INSL6: variants seen among roughly 807,000 people sequenced by gnomAD.
The protein encoded by INSL6 is insulin-like peptide INSL6.
In INSL6, 16 loss-of-function variants were observed where a neutral mutation model predicts 9.4. The observed-to-expected ratio is 1.70, with a 90% CI of 1.15 to 2.59. INSL6 has a LOEUF of 2.59. INSL6 is among the 30% of genes most tolerant of loss of function. INSL6 has a pLI of 0.00. For missense variants in INSL6, 391 were observed against 257.3 expected (o/e 1.52, Z -3.56); for synonymous variants, 154 against 96.9 (o/e 1.59, Z -3.46).
At chr9:5,080,490 G>C in the INSL6 span, 11 of 1,546,774 alleles carry the variant, frequency 7.1e-6, no homozygotes, top group Admixed American at 4.1e-5. Context: ...GGTTGGTGTG[G>C]CATTACACAA....
the INSL6 span, among the ~76,000 whole-genome samples, chr9:5,011,577 G>A: frequency 6.6e-6 from 1 of 152,122 alleles, no homozygotes; most frequent in Non-Finnish European, 1.5e-5. Context: ...TATTACATAT[G>A]TATCATAGTA....
chr9:5,030,120 T>G, the INSL6 span, among the ~76,000 whole-genome samples: 1 of 152,178 alleles, frequency 6.6e-6, no homozygotes. Context: ...ATAAAGCTGT[T>G]TTGGTGGGAT....
chr9:5,111,380 TGGCGGACAGA>T, the INSL6 span: 16,982 of 402,982 alleles, frequency 0.042, 2,028 homozygotes, highest in African/African-American at 0.29. Context: ...CCAGCAGCTC[TGGCGGACAGA>T]GGCGGACAGC....
At chr9:5,015,285 G>A in the INSL6 span, among the ~76,000 whole-genome samples, 3 of 152,280 alleles carry the variant, frequency 2.0e-5, no homozygotes, top group South Asian at 2.1e-4. Context: ...GTAACTAGAC[G>A]TAGAATTGTA....
At chr9:5,128,820 G>T (rs1011188758) in intron 3 of INSL6, among the ~76,000 whole-genome samples, 2 of 151,954 alleles carry the variant, frequency 1.3e-5, no homozygotes, top group Non-Finnish European at 2.9e-5. Context: ...CAAGAAACAG[G>T]TAAGTAATTA....
the INSL6 span, chr9:5,065,149 G>T: frequency 3.1e-6 from 2 of 642,750 alleles, no homozygotes; most frequent in African/African-American, 1.9e-5. Flanking sequence ...AATTTGACAA[G>T]TTTTTTTTAA....
At chr9:5,036,819 A>G in the INSL6 span, among the ~76,000 whole-genome samples, 1 of 152,230 alleles carries the variant, frequency 6.6e-6, no homozygotes, top group Non-Finnish European at 1.5e-5. Context: ...CTTCATGTCT[A>G]AAACACCAAA....
chr9:5,185,333 C>G lies in INSL6; in HGVS notation c.270G>C (p.Arg90=). The G allele has an allele frequency of 1.2e-6, 2 of 1,614,114 alleles. No individual in the cohort carries two copies. The highest frequency in any genetic ancestry group is 1.7e-6 in the Non-Finnish European group (2 of 1,180,012). ...TTTTACCTGGGTTTGTGCCTCTTCC[C>G]CGGGCCGGGGAAGCGGTTTGCGGGC... ...FESPQTASPA[R]GRGTNPVSTS... is the part of the protein sequence containing the mutation. The change falls in exon 1 of 2, where the codon CGG becomes CGC. Residue 90 remains arginine (R), a synonymous_variant. Coordinates refer to ENST00000381641, the MANE Select transcript of INSL6 (RefSeq NM_007179.3).
the INSL6 span, among the ~76,000 whole-genome samples, chr9:5,101,916 A>T: frequency 2.0e-5 from 3 of 152,250 alleles, no homozygotes; most frequent in Non-Finnish European, 2.9e-5. Context: ...ACCAAAGACC[A>T]AAAGTAGATA....
intron 1 of INSL6, among the ~76,000 whole-genome samples, chr9:5,168,862 C>G (rs1360228568): frequency 6.6e-6 from 1 of 151,868 alleles, no homozygotes; most frequent in African/African-American, 2.4e-5. Context: ...GCCCATCACA[C>G]TAACAGCAGG....
At chr9:5,114,620 C>G in the INSL6 span, 1 of 485,582 alleles carries the variant, frequency 2.1e-6, no homozygotes, top group African/African-American at 2.0e-5. Context: ...AGGTGCAGCT[C>G]CCGGACACTT....
chr9:5,073,644 C>T, the INSL6 span: 1 of 1,305,680 alleles, frequency 7.7e-7, no homozygotes, highest in East Asian at 2.3e-5. Context: ...ATTTTCTGAA[C>T]TATTTATGGA....
chr9:5,182,110 A>G (rs1193167468), intron 1 of INSL6, among the ~76,000 whole-genome samples: 1 of 152,164 alleles, frequency 6.6e-6, no homozygotes, highest in African/African-American at 2.4e-5. Flanking sequence ...GGACACATAC[A>G]ATGATGTTCA....
At chr9:5,070,505 G>A in the INSL6 span, among the ~76,000 whole-genome samples, 1 of 152,056 alleles carries the variant, frequency 6.6e-6, no homozygotes, top group African/African-American at 2.4e-5. Flanking sequence ...GATATGAAAA[G>A]TTGGCCCTCT....
the INSL6 span, chr9:5,055,561 C>A: frequency 2.4e-6 from 2 of 837,332 alleles, no homozygotes; most frequent in South Asian, 1.8e-5. Context: ...GTTATCAATA[C>A]CTTTTTTATT....
the INSL6 span, chr9:5,085,495 G>T: frequency 1.4e-6 from 1 of 720,190 alleles, no homozygotes; most frequent in South Asian, 1.4e-5. Context: ...ATTTTCTTTT[G>T]ACCCGAGCTG....
At chr9:5,085,630 T>C in the INSL6 span, 1 of 712,348 alleles carries the variant, frequency 1.4e-6, no homozygotes, top group Admixed American at 1.9e-5. Context: ...AAGGACAGCC[T>C]TCTTTTCACC....
chr9:5,185,236 C>T (rs1331371176), intron 1 of INSL6, 78 bp downstream of exon 1: 2 of 1,579,176 alleles, frequency 1.3e-6, no homozygotes, highest in Non-Finnish European at 1.7e-6. Context: ...CCTGGGGAAG[C>T]TCACCTTCTG....
chr9:5,045,199 T>C, the INSL6 span, among the ~76,000 whole-genome samples: 1 of 152,176 alleles, frequency 6.6e-6, no homozygotes, highest in African/African-American at 2.4e-5. Flanking sequence ...AATATATTAG[T>C]GCTCTTGGGT....
Sources: gnomAD v4.1 joint callset for allele counts (sites outside exome capture counted in the v4.1 genomes callset) on GRCh38, gnomAD v4.1.1 for gene constraint, MANE v1.5 for transcripts, NCBI Gene and HGNC (gene_info 2026-07-23, HGNC 2026-07-21) for gene names.